PLCL2: variants seen among roughly 807,000 people sequenced by gnomAD.
PLCL2 encodes the protein inactive phospholipase C-like protein 2.
In PLCL2, 4 loss-of-function variants were observed where a neutral mutation model predicts 79.6. The ratio of observed to expected loss-of-function variants is 0.05; its 90% CI spans 0.02 to 0.11. The LOEUF is 0.11. Ranked by LOEUF, PLCL2 falls within the 10% of genes least tolerant of loss-of-function variation. PLCL2 has a pLI of 1.00. For missense variants in PLCL2, 895 were observed against 1,291.0 expected, an observed-to-expected ratio of 0.69 and a Z score of 4.70; for synonymous variants, 484 against 457.7, an observed-to-expected ratio of 1.06 and a Z score of -0.73.
intron 2 of PLCL2, among the ~76,000 whole-genome samples, chr3:17,012,388 G>A (rs1380413203): frequency 2.0e-5 from 3 of 152,192 alleles, no homozygotes; most frequent in African/African-American, 7.2e-5. Context: ...TCTCGTTGCT[G>A]TGTTACACAC....
rs114378098 is a variant in PLCL2 at position 16,917,420 on chromosome 3, G to C, written c.327+32054G>C. Reference sequence around the variant, plus strand: ...TTTTATTATGATCATGAATTCTGTGGGTTGACAGTTTGAACAGGACACATC... The same window carrying C: ...TTTTATTATGATCATGAATTCTGTGCGTTGACAGTTTGAACAGGACACATC... On this transcript the variant is annotated intron_variant, in intron 1 of 5. Transcript: ENST00000615277. Among the ~76,000 whole-genome samples the C allele has an allele frequency of 5.4e-3, 817 of 152,240 alleles. 9 individuals are homozygous for C. The highest frequency in any genetic ancestry group is 0.019 in the African/African-American group (782 of 41,532).
intron 1 of PLCL2, among the ~76,000 whole-genome samples, chr3:16,930,810 C>T (rs1697375032): frequency 6.6e-6 from 1 of 152,184 alleles, no homozygotes. Flanking sequence ...CTTAAGTCTG[C>T]TGCTCCTGCA....
intron 4 of PLCL2, among the ~76,000 whole-genome samples, chr3:17,051,293 C>T (rs2064836139): frequency 6.6e-6 from 1 of 151,948 alleles, no homozygotes; most frequent in African/African-American, 2.4e-5. Context: ...CATTTTAAAA[C>T]AATGAAGAGT....
chr3:17,022,569 T>C (rs952422262), intron 3 of PLCL2, among the ~76,000 whole-genome samples: 2 of 152,218 alleles, frequency 1.3e-5, no homozygotes, highest in Non-Finnish European at 2.9e-5. Flanking sequence ...CTGGAGATAA[T>C]ATACACAGTT....
intron 4 of PLCL2, among the ~76,000 whole-genome samples, chr3:17,055,264 G>A (rs2064881155): frequency 6.6e-6 from 1 of 152,062 alleles, no homozygotes; most frequent in Admixed American, 6.5e-5. Flanking sequence ...TCTTCTTTTA[G>A]GCATTTACTA....
rs930369969 is a variant in PLCL2 at position 16,887,269 on chromosome 3, T to G, written c.327+1903T>G. Among the ~76,000 whole-genome samples, 12 of 152,222 alleles carry G rather than the reference T, an allele frequency of 7.9e-5. No homozygotes were observed. Among genetic ancestry groups the G allele is most frequent in the Non-Finnish European group, 1.8e-4 (12 of 68,030 alleles). On this transcript the variant is annotated intron_variant, in intron 1 of 5. Transcript: ENST00000615277. The surrounding 1 kb of genome is among the most constrained non-coding windows in gnomAD (Gnocchi z 4.1). ...TTTTTCTTCTTTGTAAAGAAAGCAT[T>G]TGGCTTCTTGTTCACCAGTGTAACC...
chr3:16,952,595 G>A (rs2063664958), intron 1 of PLCL2, among the ~76,000 whole-genome samples: 1 of 151,672 alleles, frequency 6.6e-6, no homozygotes, highest in Non-Finnish European at 1.5e-5. Flanking sequence ...ATTATTCCTG[G>A]CATCTTTATT....
At chr3:17,063,116 G>T (rs1295209165) in intron 4 of PLCL2, among the ~76,000 whole-genome samples, 2 of 146,564 alleles carry the variant, frequency 1.4e-5, no homozygotes, top group African/African-American at 5.1e-5. Flanking sequence ...ATCATCACAA[G>T]AGAAACTTTC....
intron 1 of PLCL2, among the ~76,000 whole-genome samples, chr3:16,969,078 C>G (rs1250902177): frequency 2.0e-5 from 3 of 152,142 alleles, no homozygotes; most frequent in African/African-American, 7.2e-5. Context: ...AACCTTGCAT[C>G]TCAGGGATAA....
At chr3:16,918,019 T>A (rs1697036645) in intron 1 of PLCL2, among the ~76,000 whole-genome samples, 2 of 151,992 alleles carry the variant, frequency 1.3e-5, no homozygotes, top group Admixed American at 1.3e-4. Flanking sequence ...GTAGAAAAAA[T>A]TTGGATGAGT....
At chr3:16,990,548 A>G (rs1227529178) in intron 1 of PLCL2, among the ~76,000 whole-genome samples, 2 of 152,196 alleles carry the variant, frequency 1.3e-5, no homozygotes, top group Admixed American at 1.3e-4. Context: ...TTAACTTGGA[A>G]GTTAATTTCA....
At chr3:17,072,366 G>C (rs965927662) in intron 5 of PLCL2, among the ~76,000 whole-genome samples, 5 of 152,034 alleles carry the variant, frequency 3.3e-5, no homozygotes, top group Non-Finnish European at 7.4e-5. Context: ...TGGTTGTCCT[G>C]CTATGAAAGA....
chr3:17,003,837 G>A (rs2064233343), intron 1 of PLCL2, among the ~76,000 whole-genome samples: 1 of 152,120 alleles, frequency 6.6e-6, no homozygotes, highest in African/African-American at 2.4e-5. Context: ...AGAGGTGGAT[G>A]GGTTCTGCTT....
chr3:17,087,433 T>G (rs2065231998), intron 5 of PLCL2, among the ~76,000 whole-genome samples: 1 of 152,222 alleles, frequency 6.6e-6, no homozygotes, highest in African/African-American at 2.4e-5. Context: ...TGTTTCCAAC[T>G]AGACGACATT....
chr3:16,984,338 C>T (rs2064027811), intron 1 of PLCL2, among the ~76,000 whole-genome samples: 1 of 152,076 alleles, frequency 6.6e-6, no homozygotes, highest in Non-Finnish European at 1.5e-5. Context: ...ATTGATTCTG[C>T]TTAATAGACT....
intron 1 of PLCL2, among the ~76,000 whole-genome samples, chr3:16,954,480 T>G (rs2124962310): frequency 6.6e-6 from 1 of 152,310 alleles, no homozygotes; most frequent in African/African-American, 2.4e-5. Context: ...AGTGCCGCAA[T>G]AAACATACGT....
chr3:16,887,287 G>A lies in PLCL2; in HGVS notation c.327+1921G>A, dbSNP rs1048565676. Among the ~76,000 whole-genome samples, 2 of 152,178 alleles carry A rather than the reference G, an allele frequency of 1.3e-5. No individual in the cohort carries two copies. The highest frequency in any genetic ancestry group is 2.9e-5 in the Non-Finnish European group (2 of 68,024). On this transcript the variant is annotated intron_variant, in intron 1 of 5. Transcript: ENST00000615277. This position sits in a 1 kb window ranked among gnomAD's most constrained non-coding sequence, Gnocchi z 4.1. ...AAAGCATTTGGCTTCTTGTTCACCA[G>A]TGTAACCCTAGATATAAAGTGCCAG... is the stretch of plus-strand genomic sequence containing the variant.
At position 17,042,744 on chromosome 3, in the gene PLCL2, G is replaced by C; in HGVS notation, c.3019-130G>C. The C allele has an allele frequency of 4.7e-5, 31 of 657,698 alleles. 1 individual carries two copies. The South Asian group carries it at 5.5e-4, about 12-fold the overall frequency. The allele number at this position is 657,698 out of a possible 1,614,324, so 40.7% of individuals were successfully genotyped here. ...TCACATGCACATTTGAAGTTGAGTA[G>C]TGGAAAGTCAGATAAAAAAGCGTTT... On this transcript the variant is annotated intron_variant, in intron 3 of 5. Coordinates refer to ENST00000615277, the MANE Select transcript of PLCL2 (RefSeq NM_001144382.2).
chr3:17,052,098 A>G (rs916057194), intron 4 of PLCL2, among the ~76,000 whole-genome samples: 10 of 152,210 alleles, frequency 6.6e-5, no homozygotes, highest in African/African-American at 2.4e-4. Flanking sequence ...TGTTGAAGAT[A>G]CCATTGTTGC....
Sources: allele counts gnomAD v4.1 joint callset (sites outside exome capture counted in the v4.1 genomes callset), GRCh38; gene constraint gnomAD v4.1.1; non-coding constraint Gnocchi (gnomAD v3.1); transcripts MANE v1.5; gene names NCBI Gene and HGNC (gene_info 2026-07-23, HGNC 2026-07-21).